The following FHIT variants were observed in gnomAD, a reference collection of about 807,000 sequenced individuals.
FHIT encodes the protein bis(5'-adenosyl)-triphosphatase.
Under a neutral mutation model 17.9 loss-of-function variants are expected in FHIT, and 19 were observed. That is an observed-to-expected ratio of 1.06 (90% CI 0.74 to 1.56). FHIT has a LOEUF of 1.56. FHIT is among the 40% of genes most tolerant of loss of function. The pLI, the probability that FHIT is intolerant of heterozygous loss-of-function variation, is 0.00. For synonymous variants in FHIT, 81 were observed against 69.7 expected, an observed-to-expected ratio of 1.16 and a Z score of -0.81; for missense variants, 248 against 189.2, an observed-to-expected ratio of 1.31 and a Z score of -1.82.
At chr3:60,697,914 T>C (rs1381376483) in intron 4 of FHIT, among the ~76,000 whole-genome samples, 1 of 152,230 alleles carries the variant, frequency 6.6e-6, no homozygotes, top group Non-Finnish European at 1.5e-5. Flanking sequence ...AGCAATGATG[T>C]GTCGTTTTTA....
At chr3:59,767,220 C>G (rs751528464) in intron 8 of FHIT, among the ~76,000 whole-genome samples, 2 of 152,112 alleles carry the variant, frequency 1.3e-5, no homozygotes, top group Non-Finnish European at 2.9e-5. Flanking sequence ...AGAGCTGGGC[C>G]GGGCGCGGTG....
chr3:59,990,053 T>C (rs1709158682), intron 7 of FHIT, among the ~76,000 whole-genome samples: 1 of 152,104 alleles, frequency 6.6e-6, no homozygotes, highest in Non-Finnish European at 1.5e-5. Context: ...CCTCATACTT[T>C]ATGAAGCCTT....
intron 5 of FHIT, among the ~76,000 whole-genome samples, chr3:60,138,936 A>G (rs1177775247): frequency 2.0e-5 from 3 of 152,152 alleles, no homozygotes; most frequent in South Asian, 4.1e-4. Context: ...CCACACTAGC[A>G]ACAAAATAAA....
intron 8 of FHIT, among the ~76,000 whole-genome samples, chr3:59,896,120 C>T (rs780939839): frequency 6.6e-6 from 1 of 152,166 alleles, no homozygotes; most frequent in Non-Finnish European, 1.5e-5. Flanking sequence ...GCTTTATTTG[C>T]TCATTTACGC....
At chr3:60,949,009 A>C (rs1708760324) in intron 3 of FHIT, among the ~76,000 whole-genome samples, 1 of 152,216 alleles carries the variant, frequency 6.6e-6, no homozygotes, top group South Asian at 2.1e-4. Flanking sequence ...AACATTAAAA[A>C]AAAAAACTTA....
At chr3:60,383,357 C>T (rs558945646) in intron 5 of FHIT, among the ~76,000 whole-genome samples, 8 of 152,172 alleles carry the variant, frequency 5.3e-5, no homozygotes, top group African/African-American at 9.6e-5. Flanking sequence ...ATTTCCAAAT[C>T]GCTAGGGGTT....
At chr3:60,986,435 C>T (rs547458457) in intron 3 of FHIT, among the ~76,000 whole-genome samples, 2 of 152,220 alleles carry the variant, frequency 1.3e-5, no homozygotes, top group South Asian at 4.1e-4. Context: ...TTCAGTTAAA[C>T]TGGAGGAATA....
In FHIT at chr3:60,750,947, C is replaced by A. The variant is rs1553716662; in HGVS notation, c.-18+70972G>T. Among the ~76,000 whole-genome samples the A allele has an allele frequency of 3.9e-5, 6 of 152,284 alleles. No individual in the cohort carries two copies. In the East Asian group the frequency reaches 5.8e-4, roughly 15 times the overall value. On this transcript the variant is annotated intron_variant, in intron 4 of 9. Coordinates refer to ENST00000492590, the MANE Select transcript of FHIT (RefSeq NM_002012.4). ...ATACTAAAGCCTTCTTCCCACATCC[C>A]CTGATTGCTCACTGTGTTCCCAAGT...
chr3:59,937,714 G>T (rs1362937791), intron 7 of FHIT, among the ~76,000 whole-genome samples: 7 of 152,108 alleles, frequency 4.6e-5, no homozygotes, highest in Non-Finnish European at 1.5e-5. Flanking sequence ...CTTAACAGGG[G>T]CTAAATTTAA....
chr3:60,341,311 A>C (rs1260667487), intron 5 of FHIT, among the ~76,000 whole-genome samples: 3 of 152,180 alleles, frequency 2.0e-5, no homozygotes, highest in African/African-American at 7.2e-5. Context: ...ATAATTTTAA[A>C]GGGTTAAATA....
chr3:60,855,013 A>C (rs1160637954), intron 3 of FHIT, among the ~76,000 whole-genome samples: 1 of 152,148 alleles, frequency 6.6e-6, no homozygotes, highest in African/African-American at 2.4e-5. Flanking sequence ...CCAGGGAACT[A>C]GGGAGTCAGT....
rs536627780 is a variant in FHIT at position 60,312,036 on chromosome 3, A to G, written c.103+224824T>C. 5.4e-4 allele frequency among the ~76,000 whole-genome samples: 82 copies of G among 152,328 alleles called. 2 individuals are homozygous for G. The South Asian group carries it at 0.012, about 22-fold the overall frequency. Reference sequence around the variant, plus strand: ...CCAGCATGTTTTAAACTGAAATACAATTTTTAAAAAAATCTGAGTACTTAG... The same window carrying G: ...CCAGCATGTTTTAAACTGAAATACAGTTTTTAAAAAAATCTGAGTACTTAG... On this transcript the variant is annotated intron_variant, in intron 5 of 9. Coordinates refer to ENST00000492590, the MANE Select transcript of FHIT (RefSeq NM_002012.4).
At chr3:60,675,207 T>A (rs2040594251) in intron 4 of FHIT, among the ~76,000 whole-genome samples, 1 of 152,258 alleles carries the variant, frequency 6.6e-6, no homozygotes, top group Admixed American at 6.5e-5. Flanking sequence ...AGGTCAAGAA[T>A]GATACCAGTT....
At chr3:60,231,044 T>A (rs557068025) in intron 5 of FHIT, among the ~76,000 whole-genome samples, 4 of 152,310 alleles carry the variant, frequency 2.6e-5, no homozygotes, top group Admixed American at 2.6e-4. Flanking sequence ...TGAGCAGACA[T>A]GGTAGTGGCA....
chr3:60,231,800 C>G (rs1459921046), intron 5 of FHIT, among the ~76,000 whole-genome samples: 1 of 152,180 alleles, frequency 6.6e-6, no homozygotes. Context: ...CAGTTACATA[C>G]TAATCTAGGT....
chr3:60,117,676 A>G (rs770722707), intron 5 of FHIT, among the ~76,000 whole-genome samples: 72 of 152,172 alleles, frequency 4.7e-4, no homozygotes, highest in Non-Finnish European at 9.0e-4. Context: ...CAACTTGCCA[A>G]TGCTGAGGGT....
intron 4 of FHIT, among the ~76,000 whole-genome samples, chr3:60,630,858 G>A (rs1559598243): frequency 6.7e-6 from 1 of 149,810 alleles, no homozygotes; most frequent in Non-Finnish European, 1.5e-5. Context: ...TGTCTTACCT[G>A]AGTCCCTGTT....
chr3:61,167,801 C>G (rs973320000), intron 2 of FHIT, among the ~76,000 whole-genome samples: 2 of 151,980 alleles, frequency 1.3e-5, no homozygotes, highest in Admixed American at 6.6e-5. Context: ...TTTGGAGGCC[C>G]AAGCACAGGG....
intron 7 of FHIT, among the ~76,000 whole-genome samples, chr3:59,947,045 G>A (rs530741278): frequency 1.8e-4 from 27 of 152,276 alleles, no homozygotes; most frequent in African/African-American, 6.3e-4. Context: ...TTAGGGAGAA[G>A]GTCCTCCTCC....
Sources: gnomAD v4.1 joint callset for allele counts (sites outside exome capture counted in the v4.1 genomes callset) on GRCh38, gnomAD v4.1.1 for gene constraint, MANE v1.5 for transcripts, NCBI Gene and HGNC (gene_info 2026-07-23, HGNC 2026-07-21) for gene names.